Variants in MARCHF7 observed in about 807,000 individuals in gnomAD.
MARCHF7 encodes the protein E3 ubiquitin-protein ligase MARCHF7.
In MARCHF7, 20 loss-of-function variants were observed where a neutral mutation model predicts 76.5. The ratio of observed to expected loss-of-function variants is 0.26; its 90% confidence interval spans 0.18 to 0.38. MARCHF7 has a LOEUF of 0.38. Ranked by LOEUF, MARCHF7 falls within the 10% of genes least tolerant of loss-of-function variation. The pLI is 1.00. For missense variants in MARCHF7, 797 were observed against 812.9 expected, an observed-to-expected ratio of 0.98 and a Z score of 0.24; for synonymous variants, 295 against 293.0, an observed-to-expected ratio of 1.01 and a Z score of -0.07.
At chr2:159,713,499 G>A (rs1700552099) in intron 1 of MARCHF7, among the ~76,000 whole-genome samples, 1 of 152,154 alleles carries the variant, frequency 6.6e-6, no homozygotes, top group Non-Finnish European at 1.5e-5. Context: ...CCCCCATTTT[G>A]TAGGATTGAT....
rs1010944796 is a variant in MARCHF7, at chr2:159,737,619, A to G, written c.154-5442A>G. 2.6e-5 allele frequency among the ~76,000 whole-genome samples: 4 copies of G among 152,280 alleles called. No homozygotes were observed. The East Asian group carries it at 7.7e-4, about 29-fold the overall frequency. On this transcript the variant is annotated intron_variant, in intron 4 of 11. Transcript: ENST00000409175. Reference sequence around the variant, plus strand: ...TGCAACATAGTGAGACCCAGTCTCTACCAAGAAATAATTTAAAAATTAGCT... The same window carrying G: ...TGCAACATAGTGAGACCCAGTCTCTGCCAAGAAATAATTTAAAAATTAGCT...
intron 3 of MARCHF7, among the ~76,000 whole-genome samples, chr2:159,726,555 C>T (rs1702199885): frequency 6.6e-6 from 1 of 152,178 alleles, no homozygotes; most frequent in African/African-American, 2.4e-5. Flanking sequence ...AGCCACCGCC[C>T]CCGGCCAGAT....
intron 1 of MARCHF7, among the ~76,000 whole-genome samples, chr2:159,714,157 CTT>C (rs1559984414): frequency 3.3e-5 from 5 of 152,186 alleles, no homozygotes; most frequent in Admixed American, 1.3e-4. Flanking sequence ...TTACACAACT[CTT>C]TTATCTGCTC....
At chr2:159,723,033 A>G (rs1158546998) in intron 3 of MARCHF7, among the ~76,000 whole-genome samples, 2 of 152,210 alleles carry the variant, frequency 1.3e-5, no homozygotes, top group Admixed American at 6.5e-5. Context: ...GTCTTTTAAA[A>G]AGCATTTTGT....
At chr2:159,735,883 C>G (rs545882614) in intron 4 of MARCHF7, among the ~76,000 whole-genome samples, 1 of 152,278 alleles carries the variant, frequency 6.6e-6, no homozygotes, top group South Asian at 2.1e-4. Flanking sequence ...AATCCCAGCA[C>G]TTTGGGAGAC....
At chr2:159,730,582 A>G (rs764947688) in intron 4 of MARCHF7, among the ~76,000 whole-genome samples, 29 of 152,326 alleles carry the variant, frequency 1.9e-4, no homozygotes, top group Non-Finnish European at 3.5e-4. Context: ...ACCTAGTCTC[A>G]TTTTAAATGT....
chr2:159,765,418 G>T (rs2125755672), intron 11 of MARCHF7, among the ~76,000 whole-genome samples: 1 of 152,118 alleles, frequency 6.6e-6, no homozygotes, highest in African/African-American at 2.4e-5. Context: ...TACCATGTGG[G>T]CATAGGTATT....
rs542994840 is a variant in MARCHF7, at chr2:159,756,667, A to G, written c.1784-2559A>G. On this transcript the variant is annotated intron_variant, in intron 8 of 11. Transcript: ENST00000409175. Reference sequence around the variant, plus strand: ...ACCCCATTGCACTCCAGCCTGGGTGACAAGAGTGACACTCAGTCTCAAAAA... The same window carrying G: ...ACCCCATTGCACTCCAGCCTGGGTGGCAAGAGTGACACTCAGTCTCAAAAA... Among the ~76,000 whole-genome samples the G allele has an allele frequency of 4.2e-5, 5 of 118,036 alleles. No homozygotes were observed. The Admixed American group carries it at 5.9e-4, about 14-fold the overall frequency. 77.4% of individuals were successfully genotyped at this position (118,036 alleles called of 152,430 possible).
chr2:159,714,818 A>G (rs1380286995), intron 2 of MARCHF7, among the ~76,000 whole-genome samples: 1 of 152,124 alleles, frequency 6.6e-6, no homozygotes, highest in Non-Finnish European at 1.5e-5. Flanking sequence ...TGGGCTGCTG[A>G]GGCAGAACGA....
intron 4 of MARCHF7, among the ~76,000 whole-genome samples, chr2:159,731,380 A>G (rs1460294687): frequency 6.6e-6 from 1 of 152,218 alleles, no homozygotes; most frequent in African/African-American, 2.4e-5. Context: ...TATATTTAGT[A>G]AATTTATTGA....
chr2:159,732,743 G>A, intron 4 of MARCHF7: 1 of 625,384 alleles, frequency 1.6e-6, no homozygotes, highest in Non-Finnish European at 2.0e-6. Flanking sequence ...TGTTGCCCAG[G>A]CTGGATTCAA....
Position 159,769,284 on chromosome 2 carries a change from G to A in MARCHF7, c.*1942G>A, listed in dbSNP as rs1046924989. ...GGATGTAGTAAACAAGCCTGCCTGT[G>A]TAATCCAATTATCTCTTCACTAATG... On this transcript the variant is annotated 3_prime_UTR_variant, in exon 12 of 12. Transcript: ENST00000409175. 2 of 152,208 alleles carry A rather than the reference G, an allele frequency of 1.3e-5. No homozygotes were observed. The highest frequency in any genetic ancestry group is 4.8e-5 in the African/African-American group (2 of 41,452). The allele number at this position is 152,208 out of a possible 1,614,324, so 9.4% of individuals were successfully genotyped here. A position where few individuals can be genotyped will look rare whatever the true frequency, so the allele number is the denominator to read the frequency against.
rs1708076935 is a variant in MARCHF7, at chr2:159,769,809, G to C, written c.*2467G>C. On this transcript the variant is annotated 3_prime_UTR_variant, in exon 12 of 12. Coordinates refer to ENST00000409175, the MANE Select transcript of MARCHF7 (RefSeq NM_001282805.2). ...AAGAAAGTTGTATGGGAGTTGAGTG[G>C]AAGGTAGGATTTAAGAGCAGCACTG... 1 of 152,202 alleles carries C rather than the reference G, an allele frequency of 6.6e-6. No individual in the cohort carries two copies. Among genetic ancestry groups the C allele is most frequent in the Non-Finnish European group, 1.5e-5 (1 of 68,036 alleles). The allele number at this position is 152,202 out of a possible 1,614,324, so 9.4% of individuals were successfully genotyped here.
chr2:159,761,692 G>A (rs1387120925), intron 9 of MARCHF7, among the ~76,000 whole-genome samples: 3 of 152,064 alleles, frequency 2.0e-5, no homozygotes, highest in African/African-American at 4.8e-5. Flanking sequence ...GATTATAGGC[G>A]TGAGCCACCG....
Position 159,767,456 on chromosome 2 carries a change from A to G in MARCHF7, c.*114A>G, listed in dbSNP as rs1479737279. On this transcript the variant is annotated 3_prime_UTR_variant, in exon 12 of 12. Coordinates refer to ENST00000409175, the MANE Select transcript of MARCHF7 (RefSeq NM_001282805.2). The stretch of plus-strand genomic sequence containing the variant: ...TAATAAATACATTGACTATATATAA[A>G]ATGAATATATACATACACATGTATG... The G allele has an allele frequency of 5.9e-6, 4 of 672,282 alleles. No individual in the cohort carries two copies. Among genetic ancestry groups the G allele is most frequent in the Non-Finnish European group, 1.0e-5 (4 of 391,654 alleles). 41.6% of individuals were successfully genotyped at this position (672,282 alleles called of 1,614,324 possible). A position where few individuals can be genotyped will look rare whatever the true frequency, so the allele number is the denominator to read the frequency against.
intron 3 of MARCHF7, among the ~76,000 whole-genome samples, chr2:159,721,581 C>T (rs938422124): frequency 6.6e-6 from 1 of 152,168 alleles, no homozygotes; most frequent in Admixed American, 6.5e-5. Flanking sequence ...AGTGAAAAAT[C>T]TCAAATACCA....
intron 7 of MARCHF7, among the ~76,000 whole-genome samples, chr2:159,750,642 CAAAA>C (rs1008415305): frequency 3.3e-5 from 5 of 152,076 alleles, no homozygotes; most frequent in Non-Finnish European, 5.9e-5. Context: ...AGTGAAAAGA[CAAAA>C]AAACAGAGAT....
At chr2:159,726,103 G>T (rs1702128345) in intron 3 of MARCHF7, among the ~76,000 whole-genome samples, 1 of 152,238 alleles carries the variant, frequency 6.6e-6, no homozygotes, top group East Asian at 1.9e-4. Flanking sequence ...ATGGGGGGTG[G>T]TAGGGACACA....
chr2:159,732,229 C>G (rs1483711678), intron 4 of MARCHF7, among the ~76,000 whole-genome samples: 1 of 152,114 alleles, frequency 6.6e-6, no homozygotes, highest in Non-Finnish European at 1.5e-5. Context: ...CCAAAATTTT[C>G]ATGTATTTAA....
Sources: gnomAD v4.1 joint callset for allele counts (sites outside exome capture counted in the v4.1 genomes callset) on GRCh38, gnomAD v4.1.1 for gene constraint, MANE v1.5 for transcripts, NCBI Gene and HGNC (gene_info 2026-07-23, HGNC 2026-07-21) for gene names.